The following FAM168A variants were observed in gnomAD, a reference collection of about 807,000 sequenced individuals.
FAM168A encodes the protein protein FAM168A.
Under a neutral mutation model 28.5 loss-of-function variants are expected in FAM168A, and 3 were observed. The observed-to-expected ratio is 0.11, with a 90% CI of 0.05 to 0.27. The LOEUF is 0.27. FAM168A is among the 10% of genes least tolerant of loss of function. FAM168A has a pLI of 1.00. For synonymous variants in FAM168A, 122 were observed against 124.2 expected (o/e 0.98, Z 0.12); for missense variants, 222 against 311.5 (o/e 0.71, Z 2.16).
chr11:73,529,257 G>A (rs1317195078), intron 1 of FAM168A, among the ~76,000 whole-genome samples: 3 of 152,170 alleles, frequency 2.0e-5, no homozygotes, highest in Admixed American at 2.0e-4. Flanking sequence ...GAGAAAGGAA[G>A]GTGTTGCCTG....
intron 1 of FAM168A, chr11:73,580,274 GGAT>G (rs1944227780): frequency 1.8e-6 from 1 of 559,878 alleles, no homozygotes; most frequent in Non-Finnish European, 3.5e-6. Flanking sequence ...AGGCTGAAGG[GGAT>G]GCTAAAGGAG....
intron 1 of FAM168A, among the ~76,000 whole-genome samples, chr11:73,574,221 G>T (rs71479533): frequency 9.2e-5 from 14 of 152,106 alleles, no homozygotes; most frequent in Non-Finnish European, 1.5e-4. Context: ...AATTTAAAAG[G>T]CATTTTCACA....
intron 2 of FAM168A, among the ~76,000 whole-genome samples, chr11:73,447,885 C>G (rs1867351579): frequency 6.6e-6 from 1 of 152,118 alleles, no homozygotes; most frequent in African/African-American, 2.4e-5. Flanking sequence ...GACTCAAATC[C>G]TAATTTTGTC....
intron 1 of FAM168A, among the ~76,000 whole-genome samples, chr11:73,507,710 C>T (rs117880595): frequency 6.6e-6 from 1 of 152,274 alleles, no homozygotes; most frequent in Non-Finnish European, 1.5e-5. Context: ...AATGAACGTG[C>T]AATATTAACA....
chr11:73,561,149 C>T (rs370391971), intron 1 of FAM168A, among the ~76,000 whole-genome samples: 30 of 151,220 alleles, frequency 2.0e-4, no homozygotes, highest in African/African-American at 6.6e-4. Flanking sequence ...CTGAGGCAGG[C>T]GGATCACCTG....
intron 2 of FAM168A, among the ~76,000 whole-genome samples, chr11:73,442,599 C>T (rs1197004841): frequency 6.6e-6 from 1 of 152,036 alleles, no homozygotes; most frequent in East Asian, 1.9e-4. Context: ...TCTCAAATTT[C>T]TTTCTGTTAC....
chr11:73,503,540 T>C (rs1855051228), intron 1 of FAM168A, among the ~76,000 whole-genome samples: 1 of 152,142 alleles, frequency 6.6e-6, no homozygotes, highest in Admixed American at 6.5e-5. Flanking sequence ...TGCTCATGGA[T>C]AGGAAGAATC....
chr11:73,436,967 T>C (rs967776735), intron 2 of FAM168A, among the ~76,000 whole-genome samples: 6 of 152,210 alleles, frequency 3.9e-5, no homozygotes, highest in Non-Finnish European at 7.3e-5. Context: ...GGTTGTGTTA[T>C]TGAAAAGTAT....
chr11:73,448,394 T>A (rs1378232027), intron 2 of FAM168A, among the ~76,000 whole-genome samples: 1 of 152,192 alleles, frequency 6.6e-6, no homozygotes, highest in Non-Finnish European at 1.5e-5. Context: ...TCCCATCTAA[T>A]CCTCACAACC....
chr11:73,430,814 A>C lies in FAM168A; in HGVS notation c.71-44T>G, dbSNP rs78217693. 4,422 of 1,328,466 alleles carry C rather than the reference A, an allele frequency of 3.3e-3. 122 individuals carry two copies. The African/African-American group carries it at 0.058, about 17-fold the overall frequency. The allele number at this position is 1,328,466 out of a possible 1,614,324, so 82.3% of individuals were successfully genotyped here. ...AGGCTTATTTAGTTAGGCAAAAAAAACAAAACAAAACAAAACAAAACAAAA... is the reference window on the plus strand; with the variant it reads ...AGGCTTATTTAGTTAGGCAAAAAAACCAAAACAAAACAAAACAAAACAAAA... On this transcript the variant is annotated intron_variant, in intron 2 of 7. Coordinates refer to ENST00000356467, the MANE Select transcript of FAM168A (RefSeq NM_015159.3).
intron 1 of FAM168A, among the ~76,000 whole-genome samples, chr11:73,483,025 C>T (rs1480184895): frequency 6.6e-6 from 1 of 152,152 alleles, no homozygotes; most frequent in East Asian, 1.9e-4. Context: ...TTTGGCGCAC[C>T]CAGCCAAGAA....
chr11:73,478,817 C>A (rs1411492150), intron 1 of FAM168A, among the ~76,000 whole-genome samples: 1 of 152,032 alleles, frequency 6.6e-6, no homozygotes, highest in Non-Finnish European at 1.5e-5. Context: ...AGGGAAACAG[C>A]CTTGGAATTA....
chr11:73,453,203 C>G (rs1867464638), intron 2 of FAM168A, among the ~76,000 whole-genome samples: 1 of 152,170 alleles, frequency 6.6e-6, no homozygotes, highest in Non-Finnish European at 1.5e-5. Context: ...GGGCCCTCAG[C>G]AAACAGCAAC....
intron 1 of FAM168A, among the ~76,000 whole-genome samples, chr11:73,548,277 T>C (rs1216111612): frequency 1.3e-5 from 2 of 152,154 alleles, no homozygotes; most frequent in Non-Finnish European, 2.9e-5. Context: ...GCAAGCAAGC[T>C]GGGTATACAT....
At chr11:73,528,954 G>A (rs1943481802) in intron 1 of FAM168A, among the ~76,000 whole-genome samples, 1 of 152,126 alleles carries the variant, frequency 6.6e-6, no homozygotes, top group African/African-American at 2.4e-5. Flanking sequence ...GCTTAATATT[G>A]CAGGGAATAC....
chr11:73,522,689 C>T (rs1180979581), intron 1 of FAM168A, among the ~76,000 whole-genome samples: 1 of 151,138 alleles, frequency 6.6e-6, no homozygotes, highest in Non-Finnish European at 1.5e-5. Context: ...TTTGCAGTGT[C>T]CCAAATGCGG....
At chr11:73,514,574 T>C (rs1163468499) in intron 1 of FAM168A, among the ~76,000 whole-genome samples, 2 of 152,286 alleles carry the variant, frequency 1.3e-5, no homozygotes, top group South Asian at 2.1e-4. Context: ...GGCTCACATC[T>C]GTAATCCCAA....
chr11:73,594,103 T>C (rs1944414743), intron 1 of FAM168A, among the ~76,000 whole-genome samples: 1 of 152,162 alleles, frequency 6.6e-6, no homozygotes. Context: ...TTGTGAAGTA[T>C]GAAAGTTTGA....
intron 1 of FAM168A, among the ~76,000 whole-genome samples, chr11:73,535,874 T>TC (rs1491301907): frequency 1.1e-5 from 1 of 94,256 alleles, no homozygotes; most frequent in Non-Finnish European, 2.0e-5. Context: ...ACTTAAAACA[T>TC]TTTTTTTTTT....
Sources: gnomAD v4.1 joint callset for allele counts (sites outside exome capture counted in the v4.1 genomes callset) on GRCh38, gnomAD v4.1.1 for gene constraint, MANE v1.5 for transcripts, NCBI Gene and HGNC (gene_info 2026-07-23, HGNC 2026-07-21) for gene names.